BDNF: variants seen among roughly 807,000 people sequenced by gnomAD.
BDNF encodes brain derived neurotrophic factor.
In BDNF, 1 loss-of-function variant was observed where a neutral mutation model predicts 19.5. That is an observed-to-expected ratio of 0.05 (90% CI 0.02 to 0.24). BDNF has a LOEUF of 0.24. Among genes scored for constraint, BDNF ranks in the 10% least tolerant of loss-of-function variants. BDNF has a pLI of 1.00. For synonymous variants in BDNF, 100 were observed against 121.6 expected (o/e 0.82, Z 1.17); for missense variants, 195 against 317.6 (o/e 0.61, Z 2.93).
chr11:27,665,229 TAAG>T (rs1265535678), intron 1 of BDNF: 3 of 152,162 alleles, frequency 2.0e-5, no homozygotes, highest in Non-Finnish European at 2.9e-5. Context: ...TGACATTAAT[TAAG>T]AAGATAATTT....
At chr11:27,672,709 C>T (rs12284158) in intron 1 of BDNF, among the ~76,000 whole-genome samples, 11,170 of 152,136 alleles carry the variant, frequency 0.073, 1,380 homozygotes, top group African/African-American at 0.26. Flanking sequence ...CAGGAGGTAA[C>T]CCAATTTCTA....
At chr11:27,720,975 G>A (rs1174031496) in intron 1 of BDNF, among the ~76,000 whole-genome samples, 2 of 90,568 alleles carry the variant, frequency 2.2e-5, no homozygotes, top group Non-Finnish European at 4.2e-5. Context: ...TAAACTCCCA[G>A]TCTTTACCCC....
At chr11:27,663,807 A>G (rs1853862582) in intron 1 of BDNF, among the ~76,000 whole-genome samples, 1 of 152,192 alleles carries the variant, frequency 6.6e-6, no homozygotes, top group Non-Finnish European at 1.5e-5. Flanking sequence ...GTGTCCTGGA[A>G]CCTAACTTTC....
rs143934500 is a variant in BDNF at position 27,656,560 on chromosome 11, G to T, written c.*1261C>A. ...GGATGGCCACTCAGAAATTCCTCCCGCACTGCCGGTAAATGCAATGCCAAC... is the reference window on the plus strand; with the variant it reads ...GGATGGCCACTCAGAAATTCCTCCCTCACTGCCGGTAAATGCAATGCCAAC... On this transcript the variant is annotated 3_prime_UTR_variant, in exon 2 of 2. Coordinates refer to ENST00000356660, the MANE Select transcript of BDNF (RefSeq NM_001709.5). The T allele has an allele frequency of 3.7e-5, 36 of 985,668 alleles. No homozygotes were observed. The African/African-American group carries it at 6.1e-4, about 17-fold the overall frequency. 61.1% of individuals were successfully genotyped at this position (985,668 alleles called of 1,614,324 possible).
At chr11:27,676,322 T>A (rs1223834622) in intron 1 of BDNF, among the ~76,000 whole-genome samples, 1 of 152,134 alleles carries the variant, frequency 6.6e-6, no homozygotes, top group African/African-American at 2.4e-5. Flanking sequence ...AGTGGCCCTG[T>A]CAAAATTCTA....
At position 27,657,169 on chromosome 11, in the gene BDNF, T is replaced by C. The variant is rs1037120542; in HGVS notation, c.*652A>G. ...CTTCACAACATACAAATGTATCTTT[T>C]ATCAGCCAGAATATATATTGTAGGA... On this transcript the variant is annotated 3_prime_UTR_variant, in exon 2 of 2. Coordinates refer to ENST00000356660, the MANE Select transcript of BDNF (RefSeq NM_001709.5). The surrounding 1 kb of genome is among the most constrained non-coding windows in gnomAD (Gnocchi z 5.0). 2.7e-5 allele frequency: 27 copies of C among 982,108 alleles called. No individual in the cohort carries two copies. The highest frequency in any genetic ancestry group is 2.9e-5 in the Non-Finnish European group (24 of 826,638). 60.8% of individuals were successfully genotyped at this position (982,108 alleles called of 1,614,324 possible). A position where few individuals can be genotyped will look rare whatever the true frequency, so the allele number is the denominator to read the frequency against.
At chr11:27,667,469 T>C (rs1788580068) in intron 1 of BDNF, among the ~76,000 whole-genome samples, 1 of 152,210 alleles carries the variant, frequency 6.6e-6, no homozygotes, top group Admixed American at 6.6e-5. Context: ...AGACATGGAC[T>C]GGCAAATTGG....
At chr11:27,702,618 T>C (rs1313509286), upstream of BDNF, among the ~76,000 whole-genome samples, 2 of 152,240 alleles carry the variant, frequency 1.3e-5, no homozygotes, top group Admixed American at 1.3e-4. Flanking sequence ...CTGGACCCTC[T>C]TGTGGTTACC....
At chr11:27,708,171 C>T (rs1432525768) in intron 1 of BDNF, among the ~76,000 whole-genome samples, 1 of 152,102 alleles carries the variant, frequency 6.6e-6, no homozygotes, top group African/African-American at 2.4e-5. Flanking sequence ...TAAATAAGTT[C>T]CAAGTGTAAA....
chr11:27,691,659 T>G (rs1428306501), intron 1 of BDNF, among the ~76,000 whole-genome samples: 1 of 152,180 alleles, frequency 6.6e-6, no homozygotes, highest in African/African-American at 2.4e-5. Flanking sequence ...GGGCTGCTCA[T>G]CTTATGGTCT....
intron 1 of BDNF, chr11:27,659,739 T>C (rs144066412): frequency 1.1e-6 from 1 of 917,756 alleles, no homozygotes. Flanking sequence ...AGCTAGTGCT[T>C]CTTTTTCTGC....
At chr11:27,716,976 G>A (rs1860537748) in intron 1 of BDNF, among the ~76,000 whole-genome samples, 1 of 152,086 alleles carries the variant, frequency 6.6e-6, no homozygotes, top group Non-Finnish European at 1.5e-5. Context: ...TATCTATTTT[G>A]TGGTCATCCA....
intron 1 of BDNF, among the ~76,000 whole-genome samples, chr11:27,670,454 C>T (rs1325811759): frequency 3.3e-5 from 5 of 152,084 alleles, no homozygotes; most frequent in African/African-American, 9.7e-5. Context: ...AAAGAAACTA[C>T]CATCAGAGTG....
intron 1 of BDNF, among the ~76,000 whole-genome samples, chr11:27,665,830 C>T (rs1854212336): frequency 6.6e-6 from 1 of 152,204 alleles, no homozygotes; most frequent in Admixed American, 6.5e-5. Flanking sequence ...CTGTAGACTC[C>T]ACCTCTAGGG....
chr11:27,672,961 C>T (rs1855594708), intron 1 of BDNF, among the ~76,000 whole-genome samples: 1 of 152,086 alleles, frequency 6.6e-6, no homozygotes, highest in Non-Finnish European at 1.5e-5. Flanking sequence ...CCAAGTTCAC[C>T]AGTCCAAATG....
At chr11:27,692,799 A>G (rs1186888489) in intron 1 of BDNF, among the ~76,000 whole-genome samples, 3 of 152,296 alleles carry the variant, frequency 2.0e-5, no homozygotes, top group Admixed American at 6.5e-5. Context: ...AAGCAACACA[A>G]ATTACACTTA....
rs10626744 is a variant in BDNF at position 27,698,226 on chromosome 11, C to CAAAAAAAAAAAAAAAA, written c.-22+1922_-22+1937dup. On this transcript the variant is annotated intron_variant, in intron 1 of 1. Transcript: ENST00000356660. ...CCTGCTAACCCAGAGGTAAATTTCC[C>CAAAAAAAAAAAAAAAA]AAAAAAAAAAAAAAAAAAAAAAAAA... The CAAAAAAAAAAAAAAAA allele has an allele frequency of 2.0e-4, 16 of 80,820 alleles. 3 individuals carry two copies. The highest frequency in any genetic ancestry group is 3.1e-4 in the Non-Finnish European group (13 of 41,284). 5.0% of individuals were successfully genotyped at this position (80,820 alleles called of 1,614,324 possible).
intron 1 of BDNF, among the ~76,000 whole-genome samples, chr11:27,693,582 AAG>A (rs1389679082): frequency 6.6e-6 from 1 of 152,194 alleles, no homozygotes; most frequent in African/African-American, 2.4e-5. Context: ...AATGTTGCAT[AAG>A]AGGAATACCT....
chr11:27,697,162 C>CAGAGAGAGAGAGAGAGAGAGAG (rs1271043342), intron 1 of BDNF, among the ~76,000 whole-genome samples: 3 of 125,192 alleles, frequency 2.4e-5, no homozygotes, highest in Admixed American at 7.8e-5. Flanking sequence ...CACACACACA[C>CAGAGAGAGAGAGAGAGAGAGAG]ACAGAGAGAG....
Sources: allele counts gnomAD v4.1 joint callset (sites outside exome capture counted in the v4.1 genomes callset), GRCh38; gene constraint gnomAD v4.1.1; non-coding constraint Gnocchi (gnomAD v3.1); transcripts MANE v1.5; gene names NCBI Gene and HGNC (gene_info 2026-07-23, HGNC 2026-07-21).